Variants in CDK14 observed in about 807,000 individuals in gnomAD.
CDK14 encodes the protein cyclin-dependent kinase 14.
In CDK14, 34 loss-of-function variants were observed where a neutral mutation model predicts 60.7. The ratio of observed to expected loss-of-function variants is 0.56; its 90% CI spans 0.43 to 0.75. CDK14 has a LOEUF of 0.75. Ranked by LOEUF, CDK14 falls within the 30% of genes least tolerant of loss-of-function variation. CDK14 has a pLI of 0.00. For missense variants in CDK14, 482 were observed against 564.1 expected (o/e 0.85, Z 1.47); for synonymous variants, 197 against 203.7 (o/e 0.97, Z 0.28).
intron 11 of CDK14, among the ~76,000 whole-genome samples, chr7:91,066,467 A>C (rs1305356886): frequency 6.6e-6 from 1 of 152,180 alleles, no homozygotes; most frequent in East Asian, 1.9e-4. Flanking sequence ...TGAACTTTTT[A>C]TTCATGTCTT....
chr7:90,806,501 C>T (rs1055826351), intron 5 of CDK14, among the ~76,000 whole-genome samples: 2 of 152,078 alleles, frequency 1.3e-5, no homozygotes, highest in African/African-American at 4.8e-5. Context: ...GCGAAGATGG[C>T]CAAATAGGAA....
At chr7:90,870,111 A>G (rs1172216436) in intron 6 of CDK14, among the ~76,000 whole-genome samples, 1 of 152,170 alleles carries the variant, frequency 6.6e-6, no homozygotes, top group Non-Finnish European at 1.5e-5. Flanking sequence ...ATAAAATACC[A>G]TTGACTGCAG....
At chr7:90,631,708 C>T (rs749526312) in intron 2 of CDK14, among the ~76,000 whole-genome samples, 3 of 152,236 alleles carry the variant, frequency 2.0e-5, no homozygotes, top group South Asian at 2.1e-4. Flanking sequence ...GAAAGGCCCT[C>T]GGGGACTGGG....
chr7:90,658,992 A>G (rs1443950700), intron 2 of CDK14, among the ~76,000 whole-genome samples: 1 of 152,216 alleles, frequency 6.6e-6, no homozygotes. Flanking sequence ...TTAAAGAACA[A>G]TAGTGTGTCT....
intron 2 of CDK14, among the ~76,000 whole-genome samples, chr7:90,617,372 A>G (rs755169724): frequency 4.6e-5 from 7 of 152,210 alleles, no homozygotes; most frequent in South Asian, 2.1e-4. Context: ...TCTAGGTACT[A>G]CTACTACAGG....
intron 6 of CDK14, among the ~76,000 whole-genome samples, chr7:90,879,495 T>A (rs951895669): frequency 6.6e-6 from 1 of 152,050 alleles, no homozygotes; most frequent in Non-Finnish European, 1.5e-5. Flanking sequence ...GAGGCTCCCA[T>A]CAGAAAAACC....
intron 10 of CDK14, among the ~76,000 whole-genome samples, chr7:91,016,385 A>T (rs1796303640): frequency 6.6e-6 from 1 of 152,162 alleles, no homozygotes; most frequent in Non-Finnish European, 1.5e-5. Flanking sequence ...ACGGTCCTAA[A>T]CATGCTCTCA....
At chr7:90,896,964 G>T (rs1009661139) in intron 6 of CDK14, among the ~76,000 whole-genome samples, 1 of 152,036 alleles carries the variant, frequency 6.6e-6, no homozygotes, top group African/African-American at 2.4e-5. Context: ...TGAGTTTATT[G>T]GGCATGCTAT....
At chr7:90,661,746 G>A (rs1800869379) in intron 2 of CDK14, among the ~76,000 whole-genome samples, 1 of 152,144 alleles carries the variant, frequency 6.6e-6, no homozygotes, top group Admixed American at 6.5e-5. Context: ...AGCCACTGTT[G>A]CTAGGACTGA....
At chr7:90,866,808 A>G (rs1791208378) in intron 6 of CDK14, among the ~76,000 whole-genome samples, 1 of 152,202 alleles carries the variant, frequency 6.6e-6, no homozygotes, top group Non-Finnish European at 1.5e-5. Context: ...AAGAATACTC[A>G]AGGAAATGAC....
rs1456760925 is a variant in CDK14 at position 91,208,035 on chromosome 7, T to C, written c.*899T>C. 6.6e-6 allele frequency: 1 copy of C among 152,668 alleles called. No homozygotes were observed. Among genetic ancestry groups the C allele is most frequent in the African/African-American group, 2.4e-5 (1 of 41,468 alleles). 9.5% of individuals were successfully genotyped at this position (152,668 alleles called of 1,614,324 possible). A position where few individuals can be genotyped will look rare whatever the true frequency, so the allele number is the denominator to read the frequency against. On this transcript the variant is annotated 3_prime_UTR_variant, in exon 15 of 15. Transcript: ENST00000380050. The stretch of plus-strand genomic sequence containing the variant: ...TGTTTTAAATCTGGTGCAAAAGAAC[T>C]ATATCTGCTGGATGAGCCTTGAAAG...
chr7:91,123,149 C>T lies in CDK14; in HGVS notation c.*28+4941C>T, dbSNP rs1383099355. The stretch of plus-strand genomic sequence containing the variant: ...ATATTTTTAACTATTGACTAAAGGT[C>T]CTTTTAAGGTGTGTTGCATTTTCTC... On this transcript the variant is annotated intron_variant, in intron 14 of 14. Transcript: ENST00000380050. 5.3e-5 allele frequency among the ~76,000 whole-genome samples: 8 copies of T among 152,118 alleles called. No homozygotes were observed. The East Asian group carries it at 1.5e-3, about 29-fold the overall frequency.
At chr7:90,824,098 G>A (rs1337345522) in intron 5 of CDK14, among the ~76,000 whole-genome samples, 1 of 152,134 alleles carries the variant, frequency 6.6e-6, no homozygotes, top group Non-Finnish European at 1.5e-5. Flanking sequence ...TGTCAGGAAC[G>A]GTTATATTAA....
chr7:90,639,131 C>A (rs948927777), intron 2 of CDK14, among the ~76,000 whole-genome samples: 1 of 152,344 alleles, frequency 6.6e-6, no homozygotes, highest in Admixed American at 6.5e-5. Context: ...TCTCTCAACT[C>A]GTCAAAGTCA....
At chr7:90,740,113 G>A (rs1262666301) in intron 3 of CDK14, among the ~76,000 whole-genome samples, 4 of 140,064 alleles carry the variant, frequency 2.9e-5, no homozygotes, top group Admixed American at 7.7e-5. Flanking sequence ...TTTAAATTAC[G>A]TGGAACCAAG....
chr7:90,688,786 A>G (rs1334076626), intron 2 of CDK14, among the ~76,000 whole-genome samples: 1 of 152,186 alleles, frequency 6.6e-6, no homozygotes, highest in East Asian at 1.9e-4. Flanking sequence ...TGCTGACTTC[A>G]GAGACAGTTT....
At chr7:90,617,868 A>G (rs2116361130) in intron 2 of CDK14, among the ~76,000 whole-genome samples, 1 of 152,264 alleles carries the variant, frequency 6.6e-6, no homozygotes, top group African/African-American at 2.4e-5. Flanking sequence ...AAGGTTAACT[A>G]TTGGTTGAGG....
chr7:90,717,046 A>G (rs529923791), intron 2 of CDK14, among the ~76,000 whole-genome samples: 35 of 152,064 alleles, frequency 2.3e-4, no homozygotes, highest in Non-Finnish European at 4.7e-4. Flanking sequence ...TGCTAACTAC[A>G]TTCTGAAAAA....
At chr7:90,919,305 A>G (rs1186573197) in intron 8 of CDK14, among the ~76,000 whole-genome samples, 1 of 152,146 alleles carries the variant, frequency 6.6e-6, no homozygotes, top group Non-Finnish European at 1.5e-5. Flanking sequence ...TGTCTGTATA[A>G]CCAAGGATAC....
Sources: allele counts gnomAD v4.1 joint callset (sites outside exome capture counted in the v4.1 genomes callset), GRCh38; gene constraint gnomAD v4.1.1; transcripts MANE v1.5; gene names NCBI Gene and HGNC (gene_info 2026-07-23, HGNC 2026-07-21).